VGF: variants seen among roughly 807,000 people sequenced by gnomAD.
VGF encodes neurosecretory protein VGF.
VGF carries 13 observed loss-of-function variants against 41.1 expected under a neutral mutation model. That is an observed-to-expected ratio of 0.32 (90% confidence interval 0.21 to 0.50). The LOEUF (loss-of-function observed/expected upper bound fraction) is 0.50, where lower values mean the gene tolerates loss of function less well. Ranked by LOEUF, VGF falls within the 20% of genes least tolerant of loss-of-function variation. The pLI is 0.98. For synonymous variants in VGF, 473 were observed against 418.3 expected, an observed-to-expected ratio of 1.13 and a Z score of -1.60; for missense variants, 920 against 882.1, an observed-to-expected ratio of 1.04 and a Z score of -0.54.
Position 101,164,134 on chromosome 7 carries a change from T to G in VGF, c.710A>C (p.Asp237Ala), listed in dbSNP as rs1184048474. ...APSQFQARMP[D>A]SGPLPETHKF... ...GTGGGTTTCGGGAAGGGGCCCGCTG[T>G]CGGGCATACGCGCCTGGAATTGAGA... The change falls in exon 2 of 2, where the codon GAC becomes GCC. Residue 237 changes from aspartate to alanine, a missense_variant. This residue lies in a region of VGF where 654 missense variants were observed against 638.4 expected (regional missense o/e 1.02). Coordinates refer to ENST00000249330, the MANE Select transcript of VGF (RefSeq NM_003378.4). The G allele has an allele frequency of 6.7e-7, 1 of 1,502,922 alleles. No individual in the cohort carries two copies. The highest frequency in any genetic ancestry group is 8.8e-7 in the Non-Finnish European group (1 of 1,134,082). The allele number at this position is 1,502,922 out of a possible 1,614,324, so 93.1% of individuals were successfully genotyped here. A position where few individuals can be genotyped will look rare whatever the true frequency, so the allele number is the denominator to read the frequency against.
chr7:101,163,375 G>A lies in VGF; in HGVS notation c.1469C>T (p.Pro490Leu). The A allele has an allele frequency of 1.3e-6, 2 of 1,577,388 alleles. No homozygotes were observed. Among genetic ancestry groups the A allele is most frequent in the Non-Finnish European group, 1.7e-6 (2 of 1,168,920 alleles). Residue 490 changes from proline (P) to leucine (L), a missense_variant, in exon 2 of 2, where the codon CCC becomes CTC. Transcript: ENST00000249330. The surrounding 1 kb of genome is among the most constrained non-coding windows in gnomAD (Gnocchi z 5.0). ...GGGGGCGGCACGGGGGGGCGGCACG[G>A]GCTCGGGAGGGGCGTTCTTCTTCCG... ...RKRKKNAPPE[P>L]VPPPRAAPAP... is the part of the protein sequence containing the mutation.
At position 101,162,632 on chromosome 7, in the gene VGF, GGAGGCCC is replaced by G. The variant is rs1797124992; in HGVS notation, c.*357_*363del. The stretch of plus-strand genomic sequence containing the variant: ...CTTGGAGAGGCTGGAGGGGCTCGTG[GGAGGCCC>G]GAAGGGCTGGAGACAGACACACTTC... On this transcript the variant is annotated 3_prime_UTR_variant, in exon 2 of 2. Transcript: ENST00000249330. The surrounding 1 kb of genome is among the most constrained non-coding windows in gnomAD (Gnocchi z 4.2). 2.8e-6 allele frequency: 1 copy of G among 356,174 alleles called. No individual in the cohort carries two copies. The highest frequency in any genetic ancestry group is 2.2e-5 in the African/African-American group (1 of 44,990). The allele number at this position is 356,174 out of a possible 1,614,324, so 22.1% of individuals were successfully genotyped here.
upstream of VGF, among the ~76,000 whole-genome samples, chr7:101,169,543 A>G (rs1395052680): frequency 6.6e-6 from 1 of 152,258 alleles, no homozygotes; most frequent in East Asian, 1.9e-4. Flanking sequence ...AGATGTGTGC[A>G]GGGCAATGGA....
At position 101,163,709 on chromosome 7, in the gene VGF, C is replaced by A; in HGVS notation, c.1135G>T (p.Gly379Trp). 1 of 1,536,040 alleles carries A rather than the reference C, an allele frequency of 6.5e-7. No individual in the cohort carries two copies. The change falls in exon 2 of 2, where the codon GGG (glycine) becomes TGG (tryptophan). Residue 379 changes from glycine to tryptophan, a missense_variant. By Grantham distance (184) the Gly-to-Trp change is radical (BLOSUM62 -2). Around this residue, in one of 3 missense-constraint regions of VGF, gnomAD observed 654 missense variants for 638.4 expected, o/e 1.02. Transcript: ENST00000249330. The surrounding 1 kb of genome is among the most constrained non-coding windows in gnomAD (Gnocchi z 5.0). ...QERRGGEERV[G>W]EEDEEAAEAE... ...TCGGCCGCCTCCTCATCCTCTTCCC[C>A]CACCCTCTCCTCCCCGCCGCGTCTC...
chr7:101,165,048 A>G, intron 1 of VGF, 185 bp from the exon 2 acceptor site: 1 of 1,283,240 alleles, frequency 7.8e-7, no homozygotes, highest in Non-Finnish European at 9.9e-7. Context: ...GAGCCGTGTA[A>G]ATGGGAAAAT....
At chr7:101,168,268 C>A (rs866922755), upstream of VGF, among the ~76,000 whole-genome samples, 4 of 152,064 alleles carry the variant, frequency 2.6e-5, no homozygotes, top group African/African-American at 9.7e-5. Context: ...CGTGAGGGAG[C>A]GGGGTGGATA....
At chr7:101,164,916 C>T in intron 1 of VGF, 53 bp from the exon 2 acceptor site, 1 of 1,466,124 alleles carries the variant, frequency 6.8e-7, no homozygotes, top group East Asian at 2.4e-5. Context: ...ATTCCCCTCT[C>T]TAGGTCTACG....
chr7:101,168,151 AAG>A (rs1249534529), upstream of VGF, among the ~76,000 whole-genome samples: 3 of 151,776 alleles, frequency 2.0e-5, no homozygotes, highest in Non-Finnish European at 2.9e-5. Context: ...ATGTGTGTGT[AAG>A]CACACACATG....
At position 101,163,586 on chromosome 7, in the gene VGF, A is replaced by T; in HGVS notation, c.1258T>A (p.Ser420Thr). The T allele has an allele frequency of 6.4e-7, 1 of 1,568,644 alleles. No homozygotes were observed. Among genetic ancestry groups the T allele is most frequent in the South Asian group, 1.1e-5 (1 of 87,110 alleles). ...CGGTGGCCCGGCGTCTCCTCCTGGG[A>T]GCGCTTGTCCTCGGCGCCGGCTTCC... ...DGEAGAEDKR[S>T]QEETPGHRRK... is the part of the protein sequence containing the mutation. The change falls in exon 2 of 2, where the codon TCC becomes ACC. Residue 420 changes from serine (S) to threonine (T), a missense_variant. Ser to Thr is a moderately conservative substitution (Grantham distance 58). Coordinates refer to ENST00000249330, the MANE Select transcript of VGF (RefSeq NM_003378.4). This position sits in a 1 kb window ranked among gnomAD's most constrained non-coding sequence, Gnocchi z 5.0.
rs763317081 is a variant in VGF at position 101,165,474 on chromosome 7, G to T, written c.-121C>A. ...CGCCTCGGCTCCGAGCGGTGGCCGG[G>T]GTAGGAGCGACGGTCGAGGTCTGGC... is the stretch of plus-strand genomic sequence containing the variant. On this transcript the variant is annotated 5_prime_UTR_variant, in exon 1 of 2. Coordinates refer to ENST00000249330, the MANE Select transcript of VGF (RefSeq NM_003378.4). 2.0e-6 allele frequency: 2 copies of T among 985,498 alleles called. No homozygotes were observed. The highest frequency in any genetic ancestry group is 2.4e-6 in the Non-Finnish European group (2 of 829,972). The allele number at this position is 985,498 out of a possible 1,614,324, so 61.0% of individuals were successfully genotyped here. A position where few individuals can be genotyped will look rare whatever the true frequency, so the allele number is the denominator to read the frequency against.
Position 101,162,927 on chromosome 7 carries a change from G to A in VGF, c.*69C>T. ...GCATGCAAACACCGAGGGGGAGCGG[G>A]CAACACGGAGGGGGGCGCCGGCGCG... On this transcript the variant is annotated 3_prime_UTR_variant, in exon 2 of 2. Transcript: ENST00000249330. The surrounding 1 kb of genome is among the most constrained non-coding windows in gnomAD (Gnocchi z 4.2). The A allele has an allele frequency of 2.7e-6, 2 of 743,548 alleles. No homozygotes were observed. The highest frequency in any genetic ancestry group is 3.9e-6 in the Non-Finnish European group (2 of 519,470). The allele number at this position is 743,548 out of a possible 1,614,324, so 46.1% of individuals were successfully genotyped here. A position where few individuals can be genotyped will look rare whatever the true frequency, so the allele number is the denominator to read the frequency against.
rs767211598 is a variant in VGF, at chr7:101,163,190, G to C, written c.1654C>G (p.Pro552Ala). The C allele has an allele frequency of 3.9e-6, 6 of 1,545,878 alleles. No homozygotes were observed. The highest frequency in any genetic ancestry group is 5.2e-6 in the Non-Finnish European group (6 of 1,153,768). Residue 552 changes from proline to alanine, a missense_variant, in exon 2 of 2, where the codon CCG becomes GCG. This residue lies in a region of VGF where 257 missense variants were observed against 217.2 expected (regional missense o/e 1.18). Transcript: ENST00000249330. This position sits in a 1 kb window ranked among gnomAD's most constrained non-coding sequence, Gnocchi z 5.0. ...GCCGAGGGCGGCTGCAGTGTCCGCGGCCGGATGTAGTTGGGGAAAGGGTGG... is the reference window on the plus strand; with the variant it reads ...GCCGAGGGCGGCTGCAGTGTCCGCGCCCGGATGTAGTTGGGGAAAGGGTGG... ...PYHPFPNYIR[P>A]RTLQPPSALR...
In VGF at chr7:101,164,102, C is replaced by T. The variant is rs1342648022; in HGVS notation, c.742G>A (p.Gly248Arg). ...SGPLPETHKF[G>R]EGVSSPKTHL... Reference sequence around the variant, plus strand: ...GTTTTGGGGGAGGACACTCCTTCCCCGAACTTGTGGGTTTCGGGAAGGGGC... The same window carrying T: ...GTTTTGGGGGAGGACACTCCTTCCCTGAACTTGTGGGTTTCGGGAAGGGGC... Residue 248 changes from glycine (G) to arginine (R), a missense_variant, in exon 2 of 2, where the codon GGG (glycine) becomes AGG (arginine). Around this residue, in one of 3 missense-constraint regions of VGF, gnomAD observed 654 missense variants for 638.4 expected, o/e 1.02. Coordinates refer to ENST00000249330, the MANE Select transcript of VGF (RefSeq NM_003378.4). 1.3e-6 allele frequency: 2 copies of T among 1,500,822 alleles called. No homozygotes were observed. Among genetic ancestry groups the T allele is most frequent in the Non-Finnish European group, 8.8e-7 (1 of 1,132,540 alleles). 93.0% of individuals were successfully genotyped at this position (1,500,822 alleles called of 1,614,324 possible).
chr7:101,164,665 C>A lies in VGF; in HGVS notation c.179G>T (p.Arg60Leu). 1.9e-6 allele frequency: 3 copies of A among 1,594,924 alleles called. No homozygotes were observed. The highest frequency in any genetic ancestry group is 2.3e-5 in the East Asian group (1 of 43,912). The stretch of plus-strand genomic sequence containing the variant: ...CTGCGGCTCGGAATTCCGAGCGCCT[C>A]GGACCTCTGGGGCGCTGCCATCCTT... ...GPKDGSAPEV[R>L]GARNSEPQDE... Residue 60 changes from arginine to leucine, a missense_variant, in exon 2 of 2, where the codon CGA becomes CTA. Arg to Leu is a moderately radical substitution (Grantham distance 102, BLOSUM62 -2). Around this residue, in one of 3 missense-constraint regions of VGF, gnomAD observed 654 missense variants for 638.4 expected, o/e 1.02. Transcript: ENST00000249330.
Position 101,163,562 on chromosome 7 carries a change from G to T in VGF, c.1282C>A (p.Arg428=). 9.4e-6 allele frequency: 15 copies of T among 1,588,666 alleles called. No homozygotes were observed. Among genetic ancestry groups the T allele is most frequent in the Non-Finnish European group, 1.3e-5 (15 of 1,167,634 alleles). The change falls in exon 2 of 2, where the codon CGG becomes AGG. Residue 428 remains arginine, a synonymous_variant. Transcript: ENST00000249330. The surrounding 1 kb of genome is among the most constrained non-coding windows in gnomAD (Gnocchi z 5.0). ...KRSQEETPGH[R]RKEAEGTEEG... ...TCTGTCCCCTCGGCCTCCTTCCGCC[G>T]GTGGCCCGGCGTCTCCTCCTGGGAG...
chr7:101,164,649 G>A lies in VGF; in HGVS notation c.195C>T (p.Ser65=). The A allele has an allele frequency of 1.9e-6, 3 of 1,592,646 alleles. No individual in the cohort carries two copies. Among genetic ancestry groups the A allele is most frequent in the Non-Finnish European group, 2.6e-6 (3 of 1,169,950 alleles). Residue 65 remains serine (S), a synonymous_variant, in exon 2 of 2, where the codon TCC becomes TCT. Transcript: ENST00000249330. ...SAPEVRGARN[S]EPQDEGELFQ... ...AAAGCTCTCCCTCGTCCTGCGGCTC[G>A]GAATTCCGAGCGCCTCGGACCTCTG...
Position 101,162,968 on chromosome 7 carries a change from C to CG in VGF, c.*27dup. ...CGCCGGCGCGCGCGCGCGGCGGGGG[C>CG]GCGCGGGGGCGGGACCGGGAAGGGC... is the stretch of plus-strand genomic sequence containing the variant. On this transcript the variant is annotated 3_prime_UTR_variant, in exon 2 of 2. Transcript: ENST00000249330. This position sits in a 1 kb window ranked among gnomAD's most constrained non-coding sequence, Gnocchi z 4.2. 1 of 1,195,198 alleles carries CG rather than the reference C, an allele frequency of 8.4e-7. No individual in the cohort carries two copies. Among genetic ancestry groups the CG allele is most frequent in the Non-Finnish European group, 1.1e-6 (1 of 932,264 alleles). 74.0% of individuals were successfully genotyped at this position (1,195,198 alleles called of 1,614,324 possible).
upstream of VGF, among the ~76,000 whole-genome samples, chr7:101,166,982 C>T (rs1797231703): frequency 6.6e-6 from 1 of 151,962 alleles, no homozygotes; most frequent in South Asian, 2.1e-4. Flanking sequence ...TAGGGGTGCT[C>T]GTGGGCACAC....
chr7:101,163,442 C>T lies in VGF; in HGVS notation c.1402G>A (p.Asp468Asn). ...ACCTCCTCGATGATGCTGACCACGTCGTCCGCTGGCAGGTGGAGTTTGGTG... is the reference window on the plus strand; with the variant it reads ...ACCTCCTCGATGATGCTGACCACGTTGTCCGCTGGCAGGTGGAGTTTGGTG... Reference protein sequence around the residue: ...LSTKLHLPADDVVSIIEEVEE... With the variant: ...LSTKLHLPADNVVSIIEEVEE... The change falls in exon 2 of 2, where the codon GAC (aspartate) becomes AAC (asparagine). Residue 468 changes from aspartate (D) to asparagine (N), a missense_variant. By Grantham distance (23) the Asp-to-Asn change is conservative. Transcript: ENST00000249330. The surrounding 1 kb of genome is among the most constrained non-coding windows in gnomAD (Gnocchi z 5.0). The T allele has an allele frequency of 1.2e-6, 2 of 1,612,550 alleles. No homozygotes were observed. Among genetic ancestry groups the T allele is most frequent in the South Asian group, 1.1e-5 (1 of 91,068 alleles).
Sources: gnomAD v4.1 joint callset for allele counts (sites outside exome capture counted in the v4.1 genomes callset) on GRCh38, gnomAD v4.1.1 for gene constraint, gnomAD v4.1.1 regional missense constraint, Gnocchi (gnomAD v3.1) non-coding constraint, MANE v1.5 for transcripts, NCBI Gene and HGNC (gene_info 2026-07-23, HGNC 2026-07-21) for gene names.